ALDH1L2: variants seen among roughly 807,000 people sequenced by gnomAD.
ALDH1L2 encodes the protein aldehyde dehydrogenase 1 family member L2.
Under a neutral mutation model 111.0 loss-of-function variants are expected in ALDH1L2, and 91 were observed. The observed-to-expected ratio is 0.82, with a 90% CI of 0.69 to 0.98. The LOEUF is 0.98. Among genes scored for constraint, ALDH1L2 ranks in the 50% least tolerant of loss-of-function variants. The probability of loss-of-function intolerance (pLI) is 0.00; values close to 1 mark genes in which losing one functional copy is unlikely to be tolerated. For synonymous variants in ALDH1L2, 374 were observed against 392.6 expected (o/e 0.95, Z 0.56); for missense variants, 995 against 1,126.8 (o/e 0.88, Z 1.67).
chr12:105,061,903 A>C, intron 7 of ALDH1L2, 151 bp from the exon 8 acceptor site: 1 of 952,380 alleles, frequency 1.0e-6, no homozygotes, highest in Non-Finnish European at 1.5e-6. Context: ...TATGTGTAAA[A>C]GGGCTGAAAT....
intron 14 of ALDH1L2, 27 bp downstream of exon 14, chr12:105,046,872 C>G: frequency 1.2e-6 from 2 of 1,613,478 alleles, no homozygotes; most frequent in Non-Finnish European, 1.7e-6. Flanking sequence ...ACTCATGATT[C>G]ACTCAGAGGC....
intron 2 of ALDH1L2, among the ~76,000 whole-genome samples, chr12:105,073,597 C>A (rs1030076510): frequency 1.3e-5 from 2 of 152,190 alleles, no homozygotes; most frequent in African/African-American, 4.8e-5. Context: ...ATAGCCACCC[C>A]AAATCAAATC....
intron 17 of ALDH1L2, 56 bp from the exon 18 acceptor site, chr12:105,038,258 T>TCA: frequency 5.7e-6 from 4 of 707,680 alleles, no homozygotes; most frequent in Non-Finnish European, 6.8e-6. Context: ...TCTCTCTCTC[T>TCA]CTCACACACA....
intron 20 of ALDH1L2, among the ~76,000 whole-genome samples, chr12:105,031,096 TG>T (rs767792265): frequency 6.6e-6 from 1 of 152,214 alleles, no homozygotes; most frequent in Non-Finnish European, 1.5e-5. Context: ...GGATGATATT[TG>T]TTTCTCTATC....
rs1187118103 is a variant in ALDH1L2 at position 105,052,226 on chromosome 12, A to G, written c.1408-9T>C. 2 of 1,590,208 alleles carry G rather than the reference A, an allele frequency of 1.3e-6. No individual in the cohort carries two copies. The highest frequency in any genetic ancestry group is 2.7e-5 in the African/African-American group (2 of 73,430). ...GATACTTTGCATATTGTCTATTTCAAGGTAAGTAAAAATAGGCCCCATGAG... is the reference window on the plus strand; with the variant it reads ...GATACTTTGCATATTGTCTATTTCAGGGTAAGTAAAAATAGGCCCCATGAG... On this transcript the variant is annotated splice_polypyrimidine_tract_variant and intron_variant, in intron 11 of 22. Transcript: ENST00000258494.
intron 7 of ALDH1L2, 55 bp from the exon 8 acceptor site, chr12:105,061,807 G>A: frequency 6.2e-7 from 1 of 1,606,836 alleles, no homozygotes; most frequent in Non-Finnish European, 8.5e-7. Context: ...CAATACAAAA[G>A]TGAGGCTGGT....
intron 1 of ALDH1L2, among the ~76,000 whole-genome samples, chr12:105,083,780 T>G (rs1172587722): frequency 6.6e-6 from 1 of 152,174 alleles, no homozygotes; most frequent in East Asian, 1.9e-4. Context: ...GTTCTTGTGC[T>G]ACAGTAGAAT....
chr12:105,035,947 TTA>T (rs369184452), intron 18 of ALDH1L2, among the ~76,000 whole-genome samples: 2 of 87,896 alleles, frequency 2.3e-5, no homozygotes, highest in South Asian at 3.1e-4. Flanking sequence ...TGTATATATA[TTA>T]TATATATACG....
chr12:105,056,185 CAA>C (rs1876619506), intron 10 of ALDH1L2, among the ~76,000 whole-genome samples: 1 of 151,914 alleles, frequency 6.6e-6, no homozygotes, highest in Non-Finnish European at 1.5e-5. Context: ...ACTCATCATA[CAA>C]AAGAGTCCTT....
At chr12:105,068,928 TC>T in intron 3 of ALDH1L2, 44 bp from the exon 4 acceptor site, 1 of 1,411,574 alleles carries the variant, frequency 7.1e-7, no homozygotes, top group Non-Finnish European at 9.4e-7. Flanking sequence ...GTTAACTGTA[TC>T]ATAAAGTGAT....
intron 17 of ALDH1L2, among the ~76,000 whole-genome samples, chr12:105,038,677 AAAAG>A (rs1343170453): frequency 7.9e-5 from 12 of 152,192 alleles, no homozygotes; most frequent in African/African-American, 2.7e-4. Context: ...AAAAAAGAAA[AAAAG>A]AAAGAAAAAG....
intron 18 of ALDH1L2, among the ~76,000 whole-genome samples, chr12:105,035,135 T>C (rs1428331190): frequency 6.6e-6 from 1 of 152,178 alleles, no homozygotes; most frequent in African/African-American, 2.4e-5. Flanking sequence ...TTTTTATTTA[T>C]TGTAGAGACA....
intron 2 of ALDH1L2, among the ~76,000 whole-genome samples, chr12:105,071,211 C>T (rs970605179): frequency 6.6e-6 from 1 of 152,212 alleles, no homozygotes; most frequent in Non-Finnish European, 1.5e-5. Flanking sequence ...AAACTCTTCC[C>T]TCCCTATACT....
intron 17 of ALDH1L2, 92 bp from the exon 18 acceptor site, chr12:105,038,294 ACAC>A: frequency 1.7e-6 from 1 of 577,176 alleles, no homozygotes; most frequent in Non-Finnish European, 3.0e-6. Flanking sequence ...ACACACACAC[ACAC>A]ACACACACAC....
intron 18 of ALDH1L2, among the ~76,000 whole-genome samples, chr12:105,035,864 T>TGC (rs1173759687): frequency 7.6e-6 from 1 of 131,680 alleles, no homozygotes; most frequent in Non-Finnish European, 1.5e-5. Context: ...TGTGTGTGTG[T>TGC]GTATACACAC....
chr12:105,032,622 G>A (rs1042218804), intron 19 of ALDH1L2, among the ~76,000 whole-genome samples: 4 of 152,158 alleles, frequency 2.6e-5, no homozygotes, highest in Non-Finnish European at 5.9e-5. Flanking sequence ...GGTTAAGTAA[G>A]TGCACCCAAC....
At position 105,035,839 on chromosome 12, in the gene ALDH1L2, ATGTGTG is replaced by A. The variant is rs1159145670; in HGVS notation, c.2146-1447_2146-1442del. On this transcript the variant is annotated intron_variant, in intron 18 of 22. Transcript: ENST00000258494. The stretch of plus-strand genomic sequence containing the variant: ...ATATAGTGTGTCTATATATATATAT[ATGTGTG>A]TGTGTGTGTGTGTGTGTGTGTATAC... Among the ~76,000 whole-genome samples the A allele has an allele frequency of 1.4e-4, 14 of 100,244 alleles. 2 individuals carry two copies. Among genetic ancestry groups the A allele is most frequent in the South Asian group, 5.4e-4 (2 of 3,694 alleles). The allele number at this position is 100,244 out of a possible 152,430, so 65.8% of individuals were successfully genotyped here.
intron 8 of ALDH1L2, 96 bp downstream of exon 8, chr12:105,061,531 G>T: frequency 3.3e-6 from 5 of 1,520,908 alleles, no homozygotes; most frequent in Non-Finnish European, 3.6e-6. Context: ...AGGAAATAAA[G>T]TTCTGATCCC....
At position 105,031,809 on chromosome 12, in the gene ALDH1L2, C is replaced by T. The variant is rs375364740; in HGVS notation, c.2370G>A (p.Gly790=). 3 of 1,614,056 alleles carry T rather than the reference C, an allele frequency of 1.9e-6. No individual in the cohort carries two copies. Among genetic ancestry groups the T allele is most frequent in the Admixed American group, 1.7e-5 (1 of 60,006 alleles). ...LQYCETGVKE[G]ATLVYGGRQV... is the part of the protein sequence containing the mutation. The stretch of plus-strand genomic sequence containing the variant: ...GTCTTCCCCCGTACACCAAAGTGGC[C>T]CCTTCTTTCACTCCAGTTTCACAGT... Residue 790 remains glycine (G), a synonymous_variant, in exon 20 of 23, where the codon GGG becomes GGA. Transcript: ENST00000258494.
Sources: gnomAD v4.1 joint callset for allele counts (sites outside exome capture counted in the v4.1 genomes callset) on GRCh38, gnomAD v4.1.1 for gene constraint, MANE v1.5 for transcripts, NCBI Gene and HGNC (gene_info 2026-07-23, HGNC 2026-07-21) for gene names.